The following RAB11FIP4 variants were observed in gnomAD, a reference collection of about 807,000 sequenced individuals.
RAB11FIP4 encodes the protein RAB11 family interacting protein 4.
A neutral mutation model predicts 74.3 loss-of-function variants in RAB11FIP4; 23 were observed. That is an observed-to-expected ratio of 0.31 (90% CI 0.22 to 0.44). RAB11FIP4 has a LOEUF of 0.44. Ranked by LOEUF, RAB11FIP4 falls within the 20% of genes least tolerant of loss-of-function variation. The pLI is 1.00. For synonymous variants in RAB11FIP4, 360 were observed against 359.9 expected, an observed-to-expected ratio of 1.00 and a Z score of 0.00; for missense variants, 630 against 863.9, an observed-to-expected ratio of 0.73 and a Z score of 3.39.
intron 3 of RAB11FIP4, among the ~76,000 whole-genome samples, chr17:31,461,912 T>G (rs1234066144): frequency 2.6e-5 from 4 of 152,136 alleles, no homozygotes; most frequent in African/African-American, 9.7e-5. Context: ...GAGACACACT[T>G]TTGTTGGTCA....
intron 3 of RAB11FIP4, among the ~76,000 whole-genome samples, chr17:31,445,520 A>T: frequency 1.6e-5 from 2 of 127,430 alleles, no homozygotes. Context: ...CTACATTCAA[A>T]TTTTCCCAAT....
chr17:31,473,943 T>A (rs2071765045), intron 3 of RAB11FIP4, among the ~76,000 whole-genome samples: 1 of 152,156 alleles, frequency 6.6e-6, no homozygotes, highest in South Asian at 2.1e-4. Flanking sequence ...TTGCCCAAGA[T>A]GACAGACCCA....
chr17:31,472,879 G>A (rs178897), intron 3 of RAB11FIP4, among the ~76,000 whole-genome samples: 122,217 of 151,758 alleles, frequency 0.81, 49,720 homozygotes, highest in African/African-American at 0.92. Flanking sequence ...CTAAAAATAC[G>A]AAAATTAGCT....
At chr17:31,405,872 C>G (rs1015131035) in intron 1 of RAB11FIP4, among the ~76,000 whole-genome samples, 10 of 152,078 alleles carry the variant, frequency 6.6e-5, no homozygotes, top group Non-Finnish European at 1.2e-4. Flanking sequence ...TTTTTCACCT[C>G]GAGGTGTTTA....
intron 3 of RAB11FIP4, among the ~76,000 whole-genome samples, chr17:31,490,694 G>C (rs907466109): frequency 2.6e-5 from 4 of 152,138 alleles, no homozygotes; most frequent in Admixed American, 2.0e-4. Flanking sequence ...TGGGACTACA[G>C]GTGTGTGCCA....
chr17:31,477,003 G>A (rs2071800403), intron 3 of RAB11FIP4, among the ~76,000 whole-genome samples: 1 of 152,228 alleles, frequency 6.6e-6, no homozygotes, highest in African/African-American at 2.4e-5. Flanking sequence ...AGGCCCCAGG[G>A]AGCCGCCCTC....
intron 3 of RAB11FIP4, among the ~76,000 whole-genome samples, chr17:31,484,069 AT>A (rs1475709993): frequency 2.7e-5 from 3 of 112,006 alleles, no homozygotes; most frequent in African/African-American, 1.2e-4. Context: ...GCAAGATCTT[AT>A]CTTTTTTTTT....
intron 3 of RAB11FIP4, among the ~76,000 whole-genome samples, chr17:31,460,651 C>T (rs774568132): frequency 6.6e-6 from 1 of 152,126 alleles, no homozygotes; most frequent in African/African-American, 2.4e-5. Flanking sequence ...TCTCTCCCTC[C>T]AAGACTAGTG....
At chr17:31,417,841 G>A (rs1167599170) in intron 1 of RAB11FIP4, among the ~76,000 whole-genome samples, 1 of 152,228 alleles carries the variant, frequency 6.6e-6, no homozygotes, top group East Asian at 1.9e-4. Flanking sequence ...GGCTATGCCT[G>A]TAATCCCAAC....
Position 31,391,677 on chromosome 17 carries a change from A to G in RAB11FIP4, c.-176A>G. The G allele has an allele frequency of 5.2e-6, 1 of 193,006 alleles. No homozygotes were observed. The highest frequency in any genetic ancestry group is 8.6e-6 in the Non-Finnish European group (1 of 116,452). 12.0% of individuals were successfully genotyped at this position (193,006 alleles called of 1,614,324 possible). A position where few individuals can be genotyped will look rare whatever the true frequency, so the allele number is the denominator to read the frequency against. The stretch of plus-strand genomic sequence containing the variant: ...TCCCCTCCCCTCCCTTCCCCTCCGG[A>G]GCGGCTGGGGCTGCGGCGCCGCTGC... On this transcript the variant is annotated 5_prime_UTR_variant, in exon 1 of 15. Coordinates refer to ENST00000621161, the MANE Select transcript of RAB11FIP4 (RefSeq NM_032932.6).
intron 3 of RAB11FIP4, among the ~76,000 whole-genome samples, chr17:31,468,461 A>C (rs2071706421): frequency 6.6e-6 from 1 of 152,308 alleles, no homozygotes; most frequent in Admixed American, 6.5e-5. Context: ...CGAAATGGGA[A>C]GAGCAATGCA....
At chr17:31,521,095 G>GT in intron 4 of RAB11FIP4, 71 bp from the exon 5 acceptor site, 1 of 1,256,908 alleles carries the variant, frequency 8.0e-7, no homozygotes, top group Non-Finnish European at 1.1e-6. Context: ...ATGCCTGTCA[G>GT]TTTCCCCACC....
chr17:31,414,949 C>T (rs1271511900), intron 1 of RAB11FIP4, among the ~76,000 whole-genome samples: 1 of 152,200 alleles, frequency 6.6e-6, no homozygotes, highest in Non-Finnish European at 1.5e-5. Context: ...CTCAGAGGCA[C>T]CAGCTAGGAC....
At chr17:31,441,289 G>A (rs1181808805) in intron 3 of RAB11FIP4, among the ~76,000 whole-genome samples, 4 of 152,072 alleles carry the variant, frequency 2.6e-5, no homozygotes, top group African/African-American at 9.7e-5. Context: ...GCCTCCCAAA[G>A]TGCTGGGATT....
At chr17:31,450,821 A>C (rs562957378) in intron 3 of RAB11FIP4, among the ~76,000 whole-genome samples, 5 of 148,460 alleles carry the variant, frequency 3.4e-5, no homozygotes, top group African/African-American at 1.3e-4. Context: ...CTGCATTTCC[A>C]CCATGTTCCA....
chr17:31,420,131 T>A (rs895178750), intron 1 of RAB11FIP4, among the ~76,000 whole-genome samples: 7 of 152,246 alleles, frequency 4.6e-5, no homozygotes, highest in African/African-American at 1.7e-4. Flanking sequence ...TTCAAAGAAT[T>A]GGTCCATTAG....
intron 1 of RAB11FIP4, among the ~76,000 whole-genome samples, chr17:31,412,625 G>A (rs947218669): frequency 6.6e-6 from 1 of 152,198 alleles, no homozygotes; most frequent in South Asian, 2.1e-4. Context: ...AGGAAGGGGC[G>A]GGGCCACCTT....
At chr17:31,420,570 T>TTCTCTCTG (rs1745554654) in intron 1 of RAB11FIP4, among the ~76,000 whole-genome samples, 2 of 151,974 alleles carry the variant, frequency 1.3e-5, no homozygotes, top group Non-Finnish European at 2.9e-5. Context: ...CTCTCTCTCT[T>TTCTCTCTG]TCTCTCTGTC....
Position 31,491,218 on chromosome 17 carries a change from C to T in RAB11FIP4, c.337-26433C>T, listed in dbSNP as rs75389015. 4.1e-3 allele frequency among the ~76,000 whole-genome samples: 632 copies of T among 152,360 alleles called. 3 individuals carry two copies. Among genetic ancestry groups the T allele is most frequent in the African/African-American group, 0.013 (545 of 41,580 alleles). ...CCTCACCAGGAGGCGTTTCAGGACA[C>T]GGAGGCTTCCCCATTTCTGTTTGCT... On this transcript the variant is annotated intron_variant, in intron 3 of 14. Coordinates refer to ENST00000621161, the MANE Select transcript of RAB11FIP4 (RefSeq NM_032932.6).
Sources: gnomAD v4.1 joint callset for allele counts (sites outside exome capture counted in the v4.1 genomes callset) on GRCh38, gnomAD v4.1.1 for gene constraint, MANE v1.5 for transcripts, NCBI Gene and HGNC (gene_info 2026-07-23, HGNC 2026-07-21) for gene names.